Variants in PHACTR3 observed in about 807,000 individuals in gnomAD.
The protein encoded by PHACTR3 is protein phosphatase 1, regulatory subunit 123.
PHACTR3 carries 16 observed loss-of-function variants against 66.8 expected under a neutral mutation model. The ratio of observed to expected loss-of-function variants is 0.24; its 90% CI spans 0.16 to 0.36. The LOEUF (loss-of-function observed/expected upper bound fraction) is 0.36. Among genes scored for constraint, PHACTR3 ranks in the 10% least tolerant of loss-of-function variants. The probability of loss-of-function intolerance (pLI) is 1.00; values close to 1 mark genes in which losing one functional copy is unlikely to be tolerated. For synonymous variants in PHACTR3, 323 were observed against 292.1 expected, an observed-to-expected ratio of 1.11 and a Z score of -1.08; for missense variants, 647 against 719.9, an observed-to-expected ratio of 0.90 and a Z score of 1.16.
In PHACTR3 at chr20:59,692,157, T is replaced by C. The variant is rs140667275; in HGVS notation, c.119-50950T>C. Among the ~76,000 whole-genome samples, 4 of 152,260 alleles carry C rather than the reference T, an allele frequency of 2.6e-5. No homozygotes were observed. The East Asian group carries it at 7.7e-4, about 29-fold the overall frequency. ...TCAGAGGGGTTGGCTTCATTGATCT[T>C]GTGGGGAAAATCTTACAAGTACCCA... is the stretch of plus-strand genomic sequence containing the variant. On this transcript the variant is annotated intron_variant, in intron 1 of 12. Coordinates refer to ENST00000371015, the MANE Select transcript of PHACTR3 (RefSeq NM_080672.5).
At chr20:59,805,521 G>C (rs1030684449) in intron 7 of PHACTR3, among the ~76,000 whole-genome samples, 4 of 152,192 alleles carry the variant, frequency 2.6e-5, no homozygotes, top group African/African-American at 9.7e-5. Flanking sequence ...GTCCAACCCT[G>C]GATGGTCCTG....
intron 8 of PHACTR3, among the ~76,000 whole-genome samples, chr20:59,812,439 G>A (rs929581867): frequency 1.3e-5 from 2 of 152,330 alleles, no homozygotes; most frequent in Non-Finnish European, 2.9e-5. Flanking sequence ...CTCCTGCTCT[G>A]TCTGCAGGAG....
intron 1 of PHACTR3, among the ~76,000 whole-genome samples, chr20:59,634,851 A>G (rs2034792703): frequency 1.3e-5 from 2 of 152,196 alleles, no homozygotes; most frequent in South Asian, 2.1e-4. Context: ...GCAACCTCAG[A>G]ATGGAATTTT....
At chr20:59,767,885 A>C (rs1381449141) in intron 5 of PHACTR3, among the ~76,000 whole-genome samples, 1 of 132,276 alleles carries the variant, frequency 7.6e-6, no homozygotes, top group Non-Finnish European at 1.6e-5. Flanking sequence ...GTTCCATTCC[A>C]TTCTTTCTGG....
intron 2 of PHACTR3, among the ~76,000 whole-genome samples, chr20:59,745,884 A>G (rs567997640): frequency 6.1e-4 from 93 of 152,312 alleles, no homozygotes; most frequent in African/African-American, 2.1e-3. Flanking sequence ...TCTTTGGGTC[A>G]TCGGGAAGTC....
intron 1 of PHACTR3, among the ~76,000 whole-genome samples, chr20:59,649,902 G>A (rs143362358): frequency 0.013 from 2,026 of 152,238 alleles, 18 homozygotes; most frequent in Non-Finnish European, 0.021. Context: ...TCAAAATATA[G>A]ATGAATAATT....
chr20:59,617,384 C>T (rs1457803619), intron 1 of PHACTR3, among the ~76,000 whole-genome samples: 6 of 152,128 alleles, frequency 3.9e-5, no homozygotes, highest in African/African-American at 1.2e-4. Context: ...GGCAGGAGCC[C>T]GAGTGTGAGT....
intron 1 of PHACTR3, among the ~76,000 whole-genome samples, chr20:59,594,079 G>C (rs2033259766): frequency 6.6e-6 from 1 of 152,198 alleles, no homozygotes; most frequent in South Asian, 2.1e-4. Flanking sequence ...GTCAAATAGA[G>C]AAGAACTGAC....
chr20:59,801,063 C>A (rs960506139), intron 7 of PHACTR3, among the ~76,000 whole-genome samples: 1 of 152,218 alleles, frequency 6.6e-6, no homozygotes, highest in Non-Finnish European at 1.5e-5. Flanking sequence ...ACATATTAAT[C>A]CACTGAGGGT....
At chr20:59,843,857 A>G (rs959364790) in intron 11 of PHACTR3, 4 of 152,098 alleles carry the variant, frequency 2.6e-5, no homozygotes, top group Non-Finnish European at 1.5e-5. Context: ...AAGCTTCTAC[A>G]CAACAAATCA....
At chr20:59,841,346 AAAG>A (rs779913309) in intron 10 of PHACTR3, 46 bp from the exon 11 acceptor site, 1 of 1,566,084 alleles carries the variant, frequency 6.4e-7, no homozygotes, top group Non-Finnish European at 8.7e-7. Flanking sequence ...GTACTTCAAA[AAAG>A]CTAGTTTGGC....
At chr20:59,701,799 A>T (rs974325149) in intron 1 of PHACTR3, among the ~76,000 whole-genome samples, 1 of 152,242 alleles carries the variant, frequency 6.6e-6, no homozygotes, top group African/African-American at 2.4e-5. Context: ...TGACAAATGC[A>T]TAATGGAATG....
At chr20:59,763,212 T>C (rs2040060111) in intron 4 of PHACTR3, among the ~76,000 whole-genome samples, 1 of 152,232 alleles carries the variant, frequency 6.6e-6, no homozygotes, top group Non-Finnish European at 1.5e-5. Context: ...ACTTGGTACA[T>C]GTCCTTCCTG....
At chr20:59,745,000 G>A (rs991104942) in intron 2 of PHACTR3, among the ~76,000 whole-genome samples, 1 of 152,188 alleles carries the variant, frequency 6.6e-6, no homozygotes, top group Non-Finnish European at 1.5e-5. Context: ...GCACACACAC[G>A]GCACTAATGG....
intron 1 of PHACTR3, among the ~76,000 whole-genome samples, chr20:59,585,042 C>A (rs1462858725): frequency 6.6e-6 from 1 of 152,320 alleles, no homozygotes; most frequent in African/African-American, 2.4e-5. Flanking sequence ...AGTTCAGCCC[C>A]TGACAGCTTG....
intron 7 of PHACTR3, among the ~76,000 whole-genome samples, chr20:59,789,178 G>A (rs1325073738): frequency 2.6e-5 from 4 of 152,186 alleles, no homozygotes; most frequent in Non-Finnish European, 1.5e-5. Context: ...GTTTCTGGGG[G>A]AGGCATCTTC....
At chr20:59,599,239 G>A (rs2033407402) in intron 1 of PHACTR3, among the ~76,000 whole-genome samples, 2 of 152,174 alleles carry the variant, frequency 1.3e-5, no homozygotes, top group South Asian at 4.1e-4. Flanking sequence ...TTCATCAATG[G>A]ATATGTATGT....
At chr20:59,803,934 G>C (rs894986251) in intron 7 of PHACTR3, among the ~76,000 whole-genome samples, 1 of 152,160 alleles carries the variant, frequency 6.6e-6, no homozygotes, top group Non-Finnish European at 1.5e-5. Flanking sequence ...AAAGCTCTCC[G>C]TCCGTCCCTG....
intron 1 of PHACTR3, among the ~76,000 whole-genome samples, chr20:59,675,601 C>A (rs2036426315): frequency 6.6e-6 from 1 of 152,194 alleles, no homozygotes; most frequent in Non-Finnish European, 1.5e-5. Flanking sequence ...TTCTTGCCAG[C>A]AGCACTTCTT....
Sources: gnomAD v4.1 joint callset for allele counts (sites outside exome capture counted in the v4.1 genomes callset) on GRCh38, gnomAD v4.1.1 for gene constraint, MANE v1.5 for transcripts, NCBI Gene and HGNC (gene_info 2026-07-23, HGNC 2026-07-21) for gene names.